The following CADM2 variants were observed in gnomAD, a reference collection of about 807,000 sequenced individuals.
The protein encoded by CADM2 is immunoglobulin superfamily member 4D.
A neutral mutation model predicts 49.8 loss-of-function variants in CADM2; 12 were observed. That is an observed-to-expected ratio of 0.24 (90% confidence interval 0.15 to 0.39). The LOEUF (loss-of-function observed/expected upper bound fraction) is 0.39, where lower values mean the gene tolerates loss of function less well. CADM2 is among the 10% of genes least tolerant of loss of function. The probability of loss-of-function intolerance (pLI) is 1.00; values close to 1 mark genes in which losing one functional copy is unlikely to be tolerated. For missense variants in CADM2, 378 were observed against 492.3 expected (o/e 0.77, Z 2.20); for synonymous variants, 214 against 175.4 (o/e 1.22, Z -1.74).
chr3:85,914,679 A>T (rs946142323), intron 6 of CADM2, among the ~76,000 whole-genome samples: 1 of 152,222 alleles, frequency 6.6e-6, no homozygotes, highest in African/African-American at 2.4e-5. Flanking sequence ...ATCTACCAAT[A>T]GTCAAGCAAA....
At chr3:85,169,646 C>T (rs2040567078) in intron 1 of CADM2, among the ~76,000 whole-genome samples, 1 of 151,954 alleles carries the variant, frequency 6.6e-6, no homozygotes, top group Non-Finnish European at 1.5e-5. Context: ...GTGGCACACT[C>T]CTGTAATCCC....
intron 1 of CADM2, among the ~76,000 whole-genome samples, chr3:85,641,484 G>A (rs1055316574): frequency 1.3e-5 from 2 of 152,162 alleles, no homozygotes; most frequent in East Asian, 3.9e-4. Flanking sequence ...AGCAGCCTAA[G>A]TTCTTGGTCT....
intron 1 of CADM2, among the ~76,000 whole-genome samples, chr3:85,115,481 A>G (rs982957273): frequency 6.6e-6 from 1 of 152,142 alleles, no homozygotes; most frequent in Non-Finnish European, 1.5e-5. Flanking sequence ...CTGTCCTCTG[A>G]GTTTCTTATT....
At chr3:85,710,997 T>C (rs1486970930) in intron 1 of CADM2, among the ~76,000 whole-genome samples, 2 of 152,130 alleles carry the variant, frequency 1.3e-5, no homozygotes, top group African/African-American at 4.8e-5. Flanking sequence ...ATAAATTTGG[T>C]TACAATTTGA....
chr3:86,024,356 C>T (rs1302857612), intron 8 of CADM2, among the ~76,000 whole-genome samples: 1 of 152,080 alleles, frequency 6.6e-6, no homozygotes, highest in Non-Finnish European at 1.5e-5. Context: ...TCACTTAGAG[C>T]ACAAGTAAGC....
At chr3:85,399,888 T>G (rs1051290441) in intron 1 of CADM2, among the ~76,000 whole-genome samples, 1 of 152,216 alleles carries the variant, frequency 6.6e-6, no homozygotes, top group Admixed American at 6.5e-5. Context: ...TGGGGTTTTC[T>G]AAATATACAA....
At chr3:85,604,449 C>T (rs933255937) in intron 1 of CADM2, among the ~76,000 whole-genome samples, 7 of 151,910 alleles carry the variant, frequency 4.6e-5, no homozygotes, top group East Asian at 1.9e-4. Context: ...CCATACATCA[C>T]GACATGCTGT....
intron 1 of CADM2, among the ~76,000 whole-genome samples, chr3:85,630,613 G>A (rs754530776): frequency 2.1e-4 from 32 of 152,102 alleles, no homozygotes; most frequent in Non-Finnish European, 3.4e-4. Flanking sequence ...CTAATGAAGC[G>A]AATAATTCTT....
chr3:85,842,716 A>G (rs960976873), intron 3 of CADM2, among the ~76,000 whole-genome samples: 1 of 152,100 alleles, frequency 6.6e-6, no homozygotes, highest in African/African-American at 2.4e-5. Flanking sequence ...ATTTTAATTC[A>G]ACTTTTCATC....
At chr3:85,876,628 A>AT (rs1481878605) in intron 3 of CADM2, among the ~76,000 whole-genome samples, 1 of 152,188 alleles carries the variant, frequency 6.6e-6, no homozygotes, top group Non-Finnish European at 1.5e-5. Flanking sequence ...GACATGAATT[A>AT]TTACTCACTA....
chr3:85,283,698 A>C (rs1156635517), intron 1 of CADM2, among the ~76,000 whole-genome samples: 1 of 152,144 alleles, frequency 6.6e-6, no homozygotes, highest in Non-Finnish European at 1.5e-5. Context: ...AGCTTATAAC[A>C]AAATAGAGTA....
At chr3:85,658,933 T>C (rs2065308015) in intron 1 of CADM2, among the ~76,000 whole-genome samples, 1 of 151,062 alleles carries the variant, frequency 6.6e-6, no homozygotes, top group Non-Finnish European at 1.5e-5. Context: ...GCACCTGTAG[T>C]CCCAGCTACT....
chr3:85,870,010 C>A (rs1189484410), intron 3 of CADM2, among the ~76,000 whole-genome samples: 1 of 152,192 alleles, frequency 6.6e-6, no homozygotes, highest in African/African-American at 2.4e-5. Context: ...CGAATATAAT[C>A]TACCACTGCC....
chr3:85,386,226 T>C (rs2034222440), intron 1 of CADM2, among the ~76,000 whole-genome samples: 1 of 152,150 alleles, frequency 6.6e-6, no homozygotes, highest in African/African-American at 2.4e-5. Flanking sequence ...AAGTCATTTT[T>C]GGTGGTGGTT....
intron 1 of CADM2, among the ~76,000 whole-genome samples, chr3:85,312,233 G>A (rs2044362359): frequency 6.6e-6 from 1 of 151,704 alleles, no homozygotes; most frequent in Non-Finnish European, 1.5e-5. Context: ...AATATCAAGG[G>A]CATATGAATT....
At chr3:85,947,123 CA>C (rs972566472) in intron 7 of CADM2, among the ~76,000 whole-genome samples, 3 of 151,580 alleles carry the variant, frequency 2.0e-5, no homozygotes, top group African/African-American at 7.3e-5. Context: ...ACCCCATCAA[CA>C]AGTGGACGAA....
chr3:85,490,885 G>T (rs2039642681), intron 1 of CADM2, among the ~76,000 whole-genome samples: 2 of 151,590 alleles, frequency 1.3e-5, no homozygotes, highest in Admixed American at 6.6e-5. Context: ...CTTGAAGCTG[G>T]ATACCTGTAG....
intron 1 of CADM2, among the ~76,000 whole-genome samples, chr3:85,365,268 G>T (rs2032685665): frequency 7.5e-6 from 1 of 132,484 alleles, no homozygotes; most frequent in South Asian, 2.6e-4. Context: ...ACATTAAAAT[G>T]AAGGCTGCAA....
chr3:85,110,855 T>A (rs2107568659), intron 1 of CADM2, among the ~76,000 whole-genome samples: 1 of 151,896 alleles, frequency 6.6e-6, no homozygotes, highest in South Asian at 2.1e-4. Flanking sequence ...TTTCAAATAG[T>A]TTTCCAAACA....
Sources: allele counts gnomAD v4.1 joint callset (sites outside exome capture counted in the v4.1 genomes callset), GRCh38; gene constraint gnomAD v4.1.1; transcripts MANE v1.5; gene names NCBI Gene and HGNC (gene_info 2026-07-23, HGNC 2026-07-21).